The following ITGA1 variants were observed in gnomAD, a reference collection of about 807,000 sequenced individuals.
ITGA1 encodes the protein integrin subunit alpha 1.
A neutral mutation model predicts 145.9 loss-of-function variants in ITGA1; 85 were observed. That is an observed-to-expected ratio of 0.58 (90% CI 0.49 to 0.70). ITGA1 has a LOEUF of 0.70. Among genes scored for constraint, ITGA1 ranks in the 30% least tolerant of loss-of-function variants. The probability of loss-of-function intolerance (pLI) is 0.00; values close to 1 mark genes in which losing one functional copy is unlikely to be tolerated. For synonymous variants in ITGA1, 520 were observed against 495.3 expected, an observed-to-expected ratio of 1.05 and a Z score of -0.66; for missense variants, 1,351 against 1,418.7, an observed-to-expected ratio of 0.95 and a Z score of 0.77.
rs774569683 is a variant in ITGA1 at position 52,933,937 on chromosome 5, G to C, written c.2905G>C (p.Val969Leu). ...CATTTCAATTGCTGCCAATGAGACA[G>C]TCCCTGAAGTTATTAATTCTACTGA... ...YHISIAANET[V>L]PEVINSTEDI... The change falls in exon 23 of 29, where the codon GTC becomes CTC. Residue 969 changes from valine to leucine, a missense_variant. Val to Leu is a conservative substitution (Grantham distance 32). Coordinates refer to ENST00000282588, the MANE Select transcript of ITGA1 (RefSeq NM_181501.2). 1 of 1,535,288 alleles carries C rather than the reference G, an allele frequency of 6.5e-7. No homozygotes were observed. Among genetic ancestry groups the C allele is most frequent in the Non-Finnish European group, 8.8e-7 (1 of 1,136,502 alleles).
At chr5:52,836,677 T>A (rs1749167317) in intron 1 of ITGA1, among the ~76,000 whole-genome samples, 1 of 152,078 alleles carries the variant, frequency 6.6e-6, no homozygotes, top group Non-Finnish European at 1.5e-5. Flanking sequence ...CATTCCTTGA[T>A]CTCAATGTGG....
chr5:52,955,955 A>T lies in ITGA1; in HGVS notation c.*3504A>T, dbSNP rs938125133. ...CGTATATACATATATATATATATAT[A>T]TATACACATACACTCACATGCAGAT... On this transcript the variant is annotated 3_prime_UTR_variant, in exon 29 of 29. Coordinates refer to ENST00000282588, the MANE Select transcript of ITGA1 (RefSeq NM_181501.2). The T allele has an allele frequency of 5.9e-5, 9 of 152,018 alleles. No homozygotes were observed. The East Asian group carries it at 1.7e-3, about 29-fold the overall frequency. The allele number at this position is 152,018 out of a possible 1,614,324, so 9.4% of individuals were successfully genotyped here.
At chr5:52,817,612 C>A (rs1214362963) in intron 1 of ITGA1, among the ~76,000 whole-genome samples, 1 of 152,092 alleles carries the variant, frequency 6.6e-6, no homozygotes, top group Non-Finnish European at 1.5e-5. Flanking sequence ...TAGAAGTCTG[C>A]AAAATTATAC....
chr5:52,816,559 A>G (rs1748778681), intron 1 of ITGA1, among the ~76,000 whole-genome samples: 1 of 152,144 alleles, frequency 6.6e-6, no homozygotes. Context: ...ACATTTTGTT[A>G]GTTAAGAGCT....
At position 52,954,929 on chromosome 5, in the gene ITGA1, C is replaced by A. The variant is rs1751280802; in HGVS notation, c.*2478C>A. 6.6e-6 allele frequency: 1 copy of A among 152,058 alleles called. No homozygotes were observed. Among genetic ancestry groups the A allele is most frequent in the African/African-American group, 2.4e-5 (1 of 41,404 alleles). 9.4% of individuals were successfully genotyped at this position (152,058 alleles called of 1,614,324 possible). A position where few individuals can be genotyped will look rare whatever the true frequency, so the allele number is the denominator to read the frequency against. On this transcript the variant is annotated 3_prime_UTR_variant, in exon 29 of 29. Transcript: ENST00000282588. ...ACATATTTAATGATTAAGAAATGTA[C>A]TAGACTCTATCATTTACTTTTAAAA...
chr5:52,939,588 A>C lies in ITGA1; in HGVS notation c.3079-2A>C. On this transcript the variant is annotated splice_acceptor_variant, in intron 24 of 28. Transcript: ENST00000282588. LOFTEE classifies it high-confidence loss of function. ...TGATAAATGTAATATTTTCATTTCT[A>C]GAATGCAAACTGCAGACCCCATATC... The C allele has an allele frequency of 2.5e-6, 4 of 1,591,664 alleles. No individual in the cohort carries two copies. Among genetic ancestry groups the C allele is most frequent in the Non-Finnish European group, 3.4e-6 (4 of 1,162,312 alleles).
At chr5:52,788,967 G>A (rs886482137) in intron 1 of ITGA1, among the ~76,000 whole-genome samples, 5 of 152,192 alleles carry the variant, frequency 3.3e-5, no homozygotes, top group African/African-American at 1.2e-4. Context: ...GCACCCAAGA[G>A]GAGGGATATT....
chr5:52,958,312 A>G lies in ITGA1; in HGVS notation c.*5861A>G, dbSNP rs1751332348. 1 of 152,182 alleles carries G rather than the reference A, an allele frequency of 6.6e-6. No homozygotes were observed. Among genetic ancestry groups the G allele is most frequent in the Non-Finnish European group, 1.5e-5 (1 of 68,026 alleles). The allele number at this position is 152,182 out of a possible 1,614,324, so 9.4% of individuals were successfully genotyped here. The stretch of plus-strand genomic sequence containing the variant: ...ACATCCTTACTCCTCAAAATACTTT[A>G]AGCTCACTCAGACCCCATATACCCT... On this transcript the variant is annotated 3_prime_UTR_variant, in exon 29 of 29. Coordinates refer to ENST00000282588, the MANE Select transcript of ITGA1 (RefSeq NM_181501.2).
At position 52,952,832 on chromosome 5, in the gene ITGA1, CTTGA is replaced by C. The variant is rs2111564089; in HGVS notation, c.*384_*387del. 1 of 152,398 alleles carries C rather than the reference CTTGA, an allele frequency of 6.6e-6. No homozygotes were observed. Among genetic ancestry groups the C allele is most frequent in the East Asian group, 1.9e-4 (1 of 5,222 alleles). 9.4% of individuals were successfully genotyped at this position (152,398 alleles called of 1,614,324 possible). On this transcript the variant is annotated 3_prime_UTR_variant, in exon 29 of 29. Transcript: ENST00000282588. Reference sequence around the variant, plus strand: ...AAACAATATAAATTAAGCTTTTCCCCTTGATTCCTGTTGGATATCCATGTTCAGC... The same window carrying C: ...AAACAATATAAATTAAGCTTTTCCCCTTCCTGTTGGATATCCATGTTCAGC...
At chr5:52,888,231 G>A (rs1750085677) in intron 8 of ITGA1, among the ~76,000 whole-genome samples, 1 of 151,014 alleles carries the variant, frequency 6.6e-6, no homozygotes, top group Non-Finnish European at 1.5e-5. Flanking sequence ...AAAAGAGGAA[G>A]AAGGAAGCAA....
intron 7 of ITGA1, among the ~76,000 whole-genome samples, 153 bp downstream of exon 7, chr5:52,882,174 G>A (rs1749971686): frequency 6.6e-6 from 1 of 152,104 alleles, no homozygotes; most frequent in Admixed American, 6.6e-5. Context: ...ATGGTTACAA[G>A]ATCAGATGTT....
chr5:52,805,655 A>G (rs538522783), intron 1 of ITGA1, among the ~76,000 whole-genome samples: 1 of 152,248 alleles, frequency 6.6e-6, no homozygotes, highest in South Asian at 2.1e-4. Context: ...AATTTACTAA[A>G]AGATTTTTTC....
At chr5:52,819,365 T>C (rs918045869) in intron 1 of ITGA1, among the ~76,000 whole-genome samples, 11 of 152,200 alleles carry the variant, frequency 7.2e-5, no homozygotes, top group Admixed American at 3.9e-4. Flanking sequence ...GGTATCTCAT[T>C]GTGGTTTTGA....
chr5:52,935,458 G>A (rs999095431), intron 23 of ITGA1, among the ~76,000 whole-genome samples: 7 of 152,186 alleles, frequency 4.6e-5, no homozygotes, highest in South Asian at 4.1e-4. Flanking sequence ...GAGAGACAAC[G>A]TAATATTTTA....
intron 22 of ITGA1, chr5:52,933,103 A>T (rs1750915901): frequency 6.6e-6 from 1 of 152,066 alleles, no homozygotes; most frequent in Non-Finnish European, 1.5e-5. Flanking sequence ...TGGAACATCC[A>T]TTGTCTCAAA....
chr5:52,856,036 G>A (rs1749507375), intron 2 of ITGA1, among the ~76,000 whole-genome samples: 1 of 152,076 alleles, frequency 6.6e-6, no homozygotes. Context: ...TGAGATTGCT[G>A]TATCAGGTCA....
At chr5:52,877,712 G>A (rs746129286) in intron 6 of ITGA1, among the ~76,000 whole-genome samples, 6 of 152,178 alleles carry the variant, frequency 3.9e-5, no homozygotes, top group Admixed American at 6.5e-5. Flanking sequence ...GAGCCGTAAG[G>A]CCACCAGAGC....
At chr5:52,909,678 C>T (rs1427032922) in intron 13 of ITGA1, among the ~76,000 whole-genome samples, 1 of 149,052 alleles carries the variant, frequency 6.7e-6, no homozygotes, top group Non-Finnish European at 1.5e-5. Flanking sequence ...TTTTTGGCTT[C>T]CTCCTGTCAA....
At chr5:52,885,311 G>A (rs1750030374) in intron 7 of ITGA1, among the ~76,000 whole-genome samples, 1 of 152,104 alleles carries the variant, frequency 6.6e-6, no homozygotes, top group African/African-American at 2.4e-5. Flanking sequence ...AACGTTTCAA[G>A]CTTCTGATCA....
Sources: gnomAD v4.1 joint callset for allele counts (sites outside exome capture counted in the v4.1 genomes callset) on GRCh38, gnomAD v4.1.1 for gene constraint, MANE v1.5 for transcripts, NCBI Gene and HGNC (gene_info 2026-07-23, HGNC 2026-07-21) for gene names.